LRMDA: variants seen among roughly 807,000 people sequenced by gnomAD.
LRMDA encodes leucine-rich melanocyte differentiation-associated protein.
In LRMDA, 18 loss-of-function variants were observed where a neutral mutation model predicts 29.8. The ratio of observed to expected loss-of-function variants is 0.60; its 90% CI spans 0.42 to 0.90. The LOEUF is 0.90. LRMDA is among the 40% of genes least tolerant of loss of function. The pLI, the probability that LRMDA is intolerant of heterozygous loss-of-function variation, is 0.00. For synonymous variants in LRMDA, 125 were observed against 109.4 expected (o/e 1.14, Z -0.89); for missense variants, 273 against 273.9 (o/e 1.00, Z 0.02).
At chr10:76,025,570 T>C (rs1049719280) in intron 2 of LRMDA, among the ~76,000 whole-genome samples, 1 of 152,074 alleles carries the variant, frequency 6.6e-6, no homozygotes, top group South Asian at 2.1e-4. Flanking sequence ...TATCCCCAGA[T>C]GCATGTGCTC....
At chr10:75,917,653 G>A (rs1239822620) in intron 2 of LRMDA, among the ~76,000 whole-genome samples, 2 of 152,140 alleles carry the variant, frequency 1.3e-5, no homozygotes, top group Admixed American at 1.3e-4. Context: ...AAGAGCAAGG[G>A]GCTTGGACAC....
intron 6 of LRMDA, among the ~76,000 whole-genome samples, chr10:76,411,934 A>G (rs1385879765): frequency 6.6e-6 from 1 of 152,228 alleles, no homozygotes; most frequent in African/African-American, 2.4e-5. Flanking sequence ...TTGGTGAGAA[A>G]TCCACTGAGG....
chr10:76,480,771 T>C (rs1467574077), intron 6 of LRMDA, among the ~76,000 whole-genome samples: 1 of 151,976 alleles, frequency 6.6e-6, no homozygotes, highest in East Asian at 1.9e-4. Context: ...TTTTGGAGCA[T>C]GTTTAACTCA....
intron 5 of LRMDA, among the ~76,000 whole-genome samples, chr10:76,107,185 C>A (rs1284901200): frequency 6.6e-6 from 1 of 152,174 alleles, no homozygotes; most frequent in Non-Finnish European, 1.5e-5. Context: ...CTCATTAGAT[C>A]TCTTTTCAAG....
At chr10:75,772,868 A>AG (rs1554824984) in intron 2 of LRMDA, among the ~76,000 whole-genome samples, 14 of 16,882 alleles carry the variant, frequency 8.3e-4, no homozygotes, top group Non-Finnish European at 1.1e-3. Flanking sequence ...GGGGGGTGGG[A>AG]TGGGGGGGGG....
intron 2 of LRMDA, among the ~76,000 whole-genome samples, chr10:75,564,518 C>T (rs938446931): frequency 2.0e-5 from 3 of 152,336 alleles, no homozygotes; most frequent in East Asian, 1.9e-4. Flanking sequence ...TGCTTCAGCG[C>T]GCGCATGGTG....
At chr10:75,577,305 C>T (rs993512285) in intron 2 of LRMDA, among the ~76,000 whole-genome samples, 1 of 151,586 alleles carries the variant, frequency 6.6e-6, no homozygotes, top group African/African-American at 2.4e-5. Flanking sequence ...TGAAGATCAA[C>T]TCAATGAAAT....
chr10:75,579,428 T>C (rs1471381759), intron 2 of LRMDA, among the ~76,000 whole-genome samples: 1 of 152,040 alleles, frequency 6.6e-6, no homozygotes, highest in Non-Finnish European at 1.5e-5. Context: ...AGGTAGCAAT[T>C]ATTAGCCTAC....
intron 5 of LRMDA, among the ~76,000 whole-genome samples, chr10:76,272,928 C>T (rs1279609097): frequency 2.6e-5 from 4 of 152,120 alleles, no homozygotes; most frequent in Non-Finnish European, 5.9e-5. Context: ...GGAAACTGCC[C>T]CCATGATCCA....
At chr10:76,463,930 T>TTTTTTTTTTTC in intron 6 of LRMDA, among the ~76,000 whole-genome samples, 1 of 148,128 alleles carries the variant, frequency 6.8e-6, no homozygotes, top group Non-Finnish European at 1.5e-5. Flanking sequence ...TTTTTTTTTT[T>TTTTTTTTTTTC]TTTTGTGAGA....
At chr10:76,513,913 T>C (rs1843034262) in intron 6 of LRMDA, among the ~76,000 whole-genome samples, 1 of 152,214 alleles carries the variant, frequency 6.6e-6, no homozygotes, top group African/African-American at 2.4e-5. Context: ...AAAGGGTCCA[T>C]GTATTACATA....
chr10:76,447,459 A>G (rs1230239230), intron 6 of LRMDA, among the ~76,000 whole-genome samples: 1 of 152,098 alleles, frequency 6.6e-6, no homozygotes, highest in Non-Finnish European at 1.5e-5. Flanking sequence ...TCTAGAGTGA[A>G]AATTATCTTT....
At chr10:76,507,228 G>A (rs956776534) in intron 6 of LRMDA, among the ~76,000 whole-genome samples, 1 of 147,142 alleles carries the variant, frequency 6.8e-6, no homozygotes, top group Non-Finnish European at 1.5e-5. Context: ...TATACCTATT[G>A]GCCATTTGTA....
intron 2 of LRMDA, among the ~76,000 whole-genome samples, chr10:75,657,064 C>A (rs1432567511): frequency 2.6e-5 from 4 of 152,162 alleles, no homozygotes; most frequent in African/African-American, 9.7e-5. Context: ...TCAGACTTGG[C>A]ACCAGGGAAA....
chr10:75,784,631 G>A (rs998356335), intron 2 of LRMDA, among the ~76,000 whole-genome samples: 2 of 151,708 alleles, frequency 1.3e-5, no homozygotes. Context: ...CCCGGGAGGC[G>A]GAGCTTGCAG....
At chr10:75,839,245 A>G (rs1844493001) in intron 2 of LRMDA, among the ~76,000 whole-genome samples, 1 of 152,236 alleles carries the variant, frequency 6.6e-6, no homozygotes, top group Non-Finnish European at 1.5e-5. Context: ...ATCATTAAGC[A>G]TGAGAAATAG....
chr10:76,195,874 G>A (rs1305466594), intron 5 of LRMDA, among the ~76,000 whole-genome samples: 1 of 152,120 alleles, frequency 6.6e-6, no homozygotes, highest in Non-Finnish European at 1.5e-5. Flanking sequence ...ACTTCTTTTA[G>A]GATAAAATAT....
At chr10:76,326,907 C>G (rs1186148753) in intron 6 of LRMDA, among the ~76,000 whole-genome samples, 1 of 152,102 alleles carries the variant, frequency 6.6e-6, no homozygotes, top group African/African-American at 2.4e-5. Flanking sequence ...TTGCTTCCTG[C>G]ATGAAACTTT....
intron 2 of LRMDA, among the ~76,000 whole-genome samples, chr10:75,449,169 AAAAG>A (rs1212635944): frequency 7.9e-5 from 12 of 152,134 alleles, no homozygotes; most frequent in African/African-American, 2.7e-4. Context: ...AAAAAAAAAA[AAAAG>A]AAGTCGTGTT....
Sources: allele counts gnomAD v4.1 joint callset (sites outside exome capture counted in the v4.1 genomes callset), GRCh38; gene constraint gnomAD v4.1.1; transcripts MANE v1.5; gene names NCBI Gene and HGNC (gene_info 2026-07-23, HGNC 2026-07-21).